EMC10: variants seen among roughly 807,000 people sequenced by gnomAD.
EMC10 encodes the protein UPF0510 protein INM02.
A neutral mutation model predicts 32.2 loss-of-function variants in EMC10; 40 were observed. The ratio of observed to expected loss-of-function variants is 1.24; its 90% CI spans 0.96 to 1.61. The LOEUF (loss-of-function observed/expected upper bound fraction) is 1.61, where lower values mean the gene tolerates loss of function less well. EMC10 is among the 40% of genes most tolerant of loss of function. The pLI, the probability that EMC10 is intolerant of heterozygous loss-of-function variation, is 0.00. For synonymous variants in EMC10, 178 were observed against 158.4 expected, an observed-to-expected ratio of 1.12 and a Z score of -0.93; for missense variants, 402 against 357.7, an observed-to-expected ratio of 1.12 and a Z score of -1.00.
Position 50,480,103 on chromosome 19 carries a change from A to G in EMC10, c.298-8A>G, listed in dbSNP as rs182399500. The G allele has an allele frequency of 1.0e-3, 1,606 of 1,604,584 alleles. No individual in the cohort carries two copies. The highest frequency in any genetic ancestry group is 1.3e-3 in the Non-Finnish European group (1,492 of 1,176,096). ...CTTCTGACCAGCACCCTCTTCTCCCATCCCCAGGATGTGGCAGCCCTGAAT... is the reference window on the plus strand; with the variant it reads ...CTTCTGACCAGCACCCTCTTCTCCCGTCCCCAGGATGTGGCAGCCCTGAAT... On this transcript the variant is annotated splice_polypyrimidine_tract_variant and splice_region_variant and intron_variant, in intron 3 of 6. Transcript: ENST00000334976. The surrounding 1 kb of genome is among the most constrained non-coding windows in gnomAD (Gnocchi z 4.4).
chr19:50,477,045 CAGG>C (rs2040238021), intron 1 of EMC10: 1 of 178,996 alleles, frequency 5.6e-6, no homozygotes. Flanking sequence ...TGCTCTAGGC[CAGG>C]AGTTCAAGAC....
intron 1 of EMC10, 47 bp downstream of exon 1, chr19:50,476,705 G>A (rs1411697010): frequency 2.4e-6 from 3 of 1,237,230 alleles, no homozygotes; most frequent in Non-Finnish European, 3.3e-6. Context: ...TACGGATGTC[G>A]CAGGTCTTGG....
rs1978588332 is a variant in EMC10 at position 50,490,672 on chromosome 19, T to TC, written c.*8416dup. ...TCGGAGGAACATGCCCTCCGCCTAG[T>TC]CCCTGACATCCTTTTCACATCCAAC... On this transcript the variant is annotated 3_prime_UTR_variant, in exon 7 of 7. Coordinates refer to ENST00000334976, the MANE Select transcript of EMC10 (RefSeq NM_206538.4). 1 of 151,976 alleles carries TC rather than the reference T, an allele frequency of 6.6e-6. No individual in the cohort carries two copies. The highest frequency in any genetic ancestry group is 2.4e-5 in the African/African-American group (1 of 41,326). 9.4% of individuals were successfully genotyped at this position (151,976 alleles called of 1,614,324 possible). A position where few individuals can be genotyped will look rare whatever the true frequency, so the allele number is the denominator to read the frequency against.
Position 50,480,212 on chromosome 19 carries a change from T to TG in EMC10, c.400dup (p.Ala134GlyfsTer39), listed in dbSNP as rs1485551878. 7 of 1,613,062 alleles carry TG rather than the reference T, an allele frequency of 4.3e-6. No individual in the cohort carries two copies. The highest frequency in any genetic ancestry group is 5.9e-6 in the Non-Finnish European group (7 of 1,179,626). ...GTGGCTATGTCTCCTCCTTTGTCCCTGCGGTGAGTTGGTGTCGGGGATGAG... is the reference window on the plus strand; with the variant it reads ...GTGGCTATGTCTCCTCCTTTGTCCCTGGCGGTGAGTTGGTGTCGGGGATGAG... On this transcript the variant is annotated frameshift_variant, in exon 4 of 7. Transcript: ENST00000334976. LOFTEE classifies it high-confidence loss of function. The surrounding 1 kb of genome is among the most constrained non-coding windows in gnomAD (Gnocchi z 4.4).
At position 50,479,049 on chromosome 19, in the gene EMC10, GAGC is replaced by G. The variant is rs1447527263; in HGVS notation, c.281_283del (p.Glu94_Arg95delinsGly). ...GTCACAGCGGCAGCTCAGCGAGGAG[GAGC>G]GGGGCCGACTCCGGGTGAGGTGGGG... On this transcript the variant is annotated inframe_deletion, in exon 3 of 7. Coordinates refer to ENST00000334976, the MANE Select transcript of EMC10 (RefSeq NM_206538.4). 1 of 1,606,588 alleles carries G rather than the reference GAGC, an allele frequency of 6.2e-7. No individual in the cohort carries two copies. The highest frequency in any genetic ancestry group is 8.5e-7 in the Non-Finnish European group (1 of 1,177,624).
chr19:50,478,121 G>A lies in EMC10; in HGVS notation c.187+120G>A, dbSNP rs2040259421. 3.6e-6 allele frequency: 3 copies of A among 844,982 alleles called. No homozygotes were observed. In the South Asian group the frequency reaches 5.2e-5, roughly 15 times the overall value. The allele number at this position is 844,982 out of a possible 1,614,324, so 52.3% of individuals were successfully genotyped here. A position where few individuals can be genotyped will look rare whatever the true frequency, so the allele number is the denominator to read the frequency against. On this transcript the variant is annotated intron_variant, in intron 2 of 6. Coordinates refer to ENST00000334976, the MANE Select transcript of EMC10 (RefSeq NM_206538.4). ...CTAACAACCATTTACTAACAGATTT[G>A]CCTCAGGTTAGGGGAAAGTGGGACA...
At position 50,480,235 on chromosome 19, in the gene EMC10, G is replaced by T. The variant is rs377474706; in HGVS notation, c.402+20G>T. ...CCTGCGGTGAGTTGGTGTCGGGGAT[G>T]AGCCCCCTTCTCCCTCGTCCTCCTC... On this transcript the variant is annotated intron_variant, in intron 4 of 6. Transcript: ENST00000334976. This position sits in a 1 kb window ranked among gnomAD's most constrained non-coding sequence, Gnocchi z 4.4. The T allele has an allele frequency of 4.4e-6, 7 of 1,602,310 alleles. No individual in the cohort carries two copies. Among genetic ancestry groups the T allele is most frequent in the Non-Finnish European group, 6.0e-6 (7 of 1,171,640 alleles).
At chr19:50,476,728 G>T in intron 1 of EMC10, 70 bp downstream of exon 1, 1 of 988,794 alleles carries the variant, frequency 1.0e-6, no homozygotes, top group Non-Finnish European at 1.4e-6. Context: ...CTTTAGGTGA[G>T]TTACAGACGG....
Position 50,487,283 on chromosome 19 carries a change from G to A in EMC10, c.*5024G>A, listed in dbSNP as rs1052288660. The A allele has an allele frequency of 2.0e-5, 3 of 152,238 alleles. No homozygotes were observed. The highest frequency in any genetic ancestry group is 4.8e-5 in the African/African-American group (2 of 41,446). The allele number at this position is 152,238 out of a possible 1,614,324, so 9.4% of individuals were successfully genotyped here. ...AGGGAGCGGAATGGAGCAGAAAGGC[G>A]TCATCCGCTGCTCACTGAGCTCAGA... On this transcript the variant is annotated 3_prime_UTR_variant, in exon 7 of 7. Coordinates refer to ENST00000334976, the MANE Select transcript of EMC10 (RefSeq NM_206538.4).
intron 6 of EMC10, 57 bp from the exon 7 acceptor site, chr19:50,482,092 C>T (rs2040329591): frequency 7.2e-7 from 1 of 1,396,660 alleles, no homozygotes; most frequent in Non-Finnish European, 1.0e-6. Context: ...ACACTCACCT[C>T]CTTCCCCTCT....
At position 50,480,468 on chromosome 19, in the gene EMC10, C is replaced by A; in HGVS notation, c.403-113C>A. On this transcript the variant is annotated intron_variant, in intron 4 of 6. Transcript: ENST00000334976. This position sits in a 1 kb window ranked among gnomAD's most constrained non-coding sequence, Gnocchi z 4.4. ...CTTGGGCCTGAGGGTAACAGGGAGC[C>A]ATGGGAAGGTTTTGAAAAATGCTCC... is the stretch of plus-strand genomic sequence containing the variant. 7.8e-7 allele frequency: 1 copy of A among 1,282,144 alleles called. No individual in the cohort carries two copies. The highest frequency in any genetic ancestry group is 1.1e-6 in the Non-Finnish European group (1 of 933,276). The allele number at this position is 1,282,144 out of a possible 1,614,324, so 79.4% of individuals were successfully genotyped here. A position where few individuals can be genotyped will look rare whatever the true frequency, so the allele number is the denominator to read the frequency against.
chr19:50,480,216 G>T lies in EMC10; in HGVS notation c.402+1G>T, dbSNP rs773683572. ...CTATGTCTCCTCCTTTGTCCCTGCG[G>T]TGAGTTGGTGTCGGGGATGAGCCCC... On this transcript the variant is annotated splice_donor_variant, in intron 4 of 6. Coordinates refer to ENST00000334976, the MANE Select transcript of EMC10 (RefSeq NM_206538.4). LOFTEE classifies it high-confidence loss of function. This position sits in a 1 kb window ranked among gnomAD's most constrained non-coding sequence, Gnocchi z 4.4. 1.9e-6 allele frequency: 3 copies of T among 1,612,826 alleles called. No individual in the cohort carries two copies. The African/African-American group carries it at 4.0e-5, about 21-fold the overall frequency.
chr19:50,476,554 G>T lies in EMC10; in HGVS notation c.10G>T (p.Ala4Ser). The T allele has an allele frequency of 6.4e-7, 1 of 1,573,928 alleles. No individual in the cohort carries two copies. Among genetic ancestry groups the T allele is most frequent in the Non-Finnish European group, 8.6e-7 (1 of 1,165,498 alleles). ...GTGGGAAGAAGCCGAGATGGCGGCAGCCAGCGCTGGGGCAACCCGGCTGCT... is the reference window on the plus strand; with the variant it reads ...GTGGGAAGAAGCCGAGATGGCGGCATCCAGCGCTGGGGCAACCCGGCTGCT... MAA[A>S]SAGATRLLLL... Residue 4 changes from alanine (A) to serine (S), a missense_variant, in exon 1 of 7, where the codon GCC becomes TCC. Physicochemically the swap from Ala to Ser is moderately conservative, Grantham distance 99. Transcript: ENST00000334976.
chr19:50,483,283 CAT>C lies in EMC10; in HGVS notation c.*1025_*1026del, dbSNP rs1173432908. The C allele has an allele frequency of 1.1e-5, 4 of 378,838 alleles. No homozygotes were observed. The highest frequency in any genetic ancestry group is 2.1e-5 in the African/African-American group (1 of 47,938). The allele number at this position is 378,838 out of a possible 1,614,324, so 23.5% of individuals were successfully genotyped here. A position where few individuals can be genotyped will look rare whatever the true frequency, so the allele number is the denominator to read the frequency against. ...CCCAAGGAATGGCTGTCCCCATCCT[CAT>C]GTGGCTGTGTGGAGCTCAGCTGTGT... is the stretch of plus-strand genomic sequence containing the variant. On this transcript the variant is annotated 3_prime_UTR_variant, in exon 7 of 7. Coordinates refer to ENST00000334976, the MANE Select transcript of EMC10 (RefSeq NM_206538.4).
intron 6 of EMC10, chr19:50,481,204 A>T (rs1394566467): frequency 6.0e-6 from 3 of 499,310 alleles, no homozygotes; most frequent in African/African-American, 4.0e-5. Context: ...GTCCTGGGGG[A>T]GGTCTCGGCC....
intron 3 of EMC10, 58 bp downstream of exon 3, chr19:50,479,124 C>A: frequency 7.4e-7 from 1 of 1,359,996 alleles, no homozygotes; most frequent in South Asian, 1.3e-5. Flanking sequence ...CCAGCTGTCT[C>A]TTCAGCCACC....
In EMC10 at chr19:50,487,362, GC is replaced by G. The variant is rs1362647920; in HGVS notation, c.*5107del. ...AGCCCACTCCTGGCCAACCCCAGGGGCCCCACCCAGTCCTGTCCCTGCTCCT... is the reference window on the plus strand; with the variant it reads ...AGCCCACTCCTGGCCAACCCCAGGGGCCCACCCAGTCCTGTCCCTGCTCCT... On this transcript the variant is annotated 3_prime_UTR_variant, in exon 7 of 7. Transcript: ENST00000334976. 2 of 152,222 alleles carry G rather than the reference GC, an allele frequency of 1.3e-5. No homozygotes were observed. The highest frequency in any genetic ancestry group is 2.4e-5 in the African/African-American group (1 of 41,454). The allele number at this position is 152,222 out of a possible 1,614,324, so 9.4% of individuals were successfully genotyped here. A position where few individuals can be genotyped will look rare whatever the true frequency, so the allele number is the denominator to read the frequency against.
intron 6 of EMC10, chr19:50,481,798 C>G (rs1387571193): frequency 6.9e-7 from 1 of 1,441,484 alleles, no homozygotes; most frequent in Non-Finnish European, 9.2e-7. Flanking sequence ...CCTCCCACTC[C>G]CTGCTGGCCC....
chr19:50,482,743 TCTGTGTCCCCTTGAGGGTACC>T lies in EMC10; in HGVS notation c.*488_*508del, dbSNP rs952636692. 2.1e-6 allele frequency: 1 copy of T among 483,342 alleles called. No homozygotes were observed. The highest frequency in any genetic ancestry group is 2.0e-5 in the African/African-American group (1 of 50,144). 29.9% of individuals were successfully genotyped at this position (483,342 alleles called of 1,614,324 possible). ...CACTGGACTAGGATGCAGCCTCCCT[TCTGTGTCCCCTTGAGGGTACC>T]CTGGGTCCCCTCATCAGGGGCAGAG... is the stretch of plus-strand genomic sequence containing the variant. On this transcript the variant is annotated 3_prime_UTR_variant, in exon 7 of 7. Coordinates refer to ENST00000334976, the MANE Select transcript of EMC10 (RefSeq NM_206538.4).
Sources: gnomAD v4.1 joint callset for allele counts on GRCh38, gnomAD v4.1.1 for gene constraint, Gnocchi (gnomAD v3.1) non-coding constraint, MANE v1.5 for transcripts, NCBI Gene and HGNC (gene_info 2026-07-23, HGNC 2026-07-21) for gene names.